The following VIT variants were observed in gnomAD, a reference collection of about 807,000 sequenced individuals.
VIT encodes vitrin.
A neutral mutation model predicts 78.0 loss-of-function variants in VIT; 99 were observed. The observed-to-expected ratio is 1.27, with a 90% CI of 1.08 to 1.50. The LOEUF (loss-of-function observed/expected upper bound fraction) is 1.50. VIT is among the 40% of genes most tolerant of loss of function. The pLI, the probability that VIT is intolerant of heterozygous loss-of-function variation, is 0.00. For synonymous variants in VIT, 374 were observed against 334.3 expected, an observed-to-expected ratio of 1.12 and a Z score of -1.29; for missense variants, 1,126 against 875.3, an observed-to-expected ratio of 1.29 and a Z score of -3.61.
chr2:36,750,142 A>G (rs1238448412), intron 4 of VIT, among the ~76,000 whole-genome samples: 1 of 152,262 alleles, frequency 6.6e-6, no homozygotes, highest in African/African-American at 2.4e-5. Flanking sequence ...AAAATCACTG[A>G]ATGCTATTTC....
intron 5 of VIT, among the ~76,000 whole-genome samples, chr2:36,757,771 A>G (rs1558544760): frequency 1.3e-5 from 2 of 152,330 alleles, no homozygotes; most frequent in African/African-American, 2.4e-5. Context: ...TTTTTCCATT[A>G]GATGTCTACA....
At chr2:36,803,457 G>A (rs922023573) in intron 13 of VIT, among the ~76,000 whole-genome samples, 3 of 152,224 alleles carry the variant, frequency 2.0e-5, no homozygotes, top group African/African-American at 4.8e-5. Flanking sequence ...CAGATATAAG[G>A]TTAGGTGGGG....
chr2:36,757,429 G>A (rs1668834526), intron 5 of VIT, among the ~76,000 whole-genome samples: 1 of 150,918 alleles, frequency 6.6e-6, no homozygotes, highest in South Asian at 2.1e-4. Context: ...TCAGGGAACT[G>A]AGCTCATGCT....
intron 1 of VIT, among the ~76,000 whole-genome samples, chr2:36,710,651 A>G (rs1197669677): frequency 6.6e-6 from 1 of 152,204 alleles, no homozygotes; most frequent in Non-Finnish European, 1.5e-5. Flanking sequence ...TGTAAAATTG[A>G]AGGGAATGTA....
chr2:36,805,210 G>A (rs562956159), intron 13 of VIT, among the ~76,000 whole-genome samples: 1 of 151,838 alleles, frequency 6.6e-6, no homozygotes, highest in South Asian at 2.1e-4. Flanking sequence ...AGGCTGAGGT[G>A]GGAGGGTTGA....
intron 14 of VIT, 112 bp from the exon 15 acceptor site, chr2:36,808,360 C>G (rs1448550461): frequency 1.4e-6 from 2 of 1,390,670 alleles, no homozygotes; most frequent in Non-Finnish European, 1.9e-6. Context: ...AGGGCTAGTG[C>G]AGAAAACAAG....
At chr2:36,785,593 C>A (rs1665040262) in intron 11 of VIT, among the ~76,000 whole-genome samples, 1 of 152,132 alleles carries the variant, frequency 6.6e-6, no homozygotes, top group Non-Finnish European at 1.5e-5. Flanking sequence ...TTGGGGACAG[C>A]AAAGGACAAG....
intron 2 of VIT, 75 bp downstream of exon 2, chr2:36,716,497 G>C: frequency 1.1e-5 from 15 of 1,382,714 alleles, no homozygotes; most frequent in Non-Finnish European, 1.5e-5. Flanking sequence ...GCCAAGAAAA[G>C]TTTTAAACCA....
At chr2:36,773,753 A>T (rs371919209) in intron 7 of VIT, 38 bp from the exon 8 acceptor site, 1,119 of 1,463,926 alleles carry the variant, frequency 7.6e-4, no homozygotes, top group Non-Finnish European at 8.7e-4. Context: ...AATTAATTAA[A>T]TAAAATTCAT....
At chr2:36,803,232 A>G (rs1035952352) in intron 13 of VIT, among the ~76,000 whole-genome samples, 1 of 152,196 alleles carries the variant, frequency 6.6e-6, no homozygotes, top group East Asian at 1.9e-4. Context: ...TACTAAAGAT[A>G]TTTGTCAGCA....
chr2:36,727,242 C>CT (rs944951671), intron 2 of VIT, among the ~76,000 whole-genome samples: 29 of 152,196 alleles, frequency 1.9e-4, no homozygotes, highest in African/African-American at 3.1e-4. Flanking sequence ...TCTTCTGAGG[C>CT]TTTTTTTATG....
intron 1 of VIT, among the ~76,000 whole-genome samples, chr2:36,705,326 C>T (rs1665346911): frequency 6.6e-6 from 1 of 152,098 alleles, no homozygotes; most frequent in African/African-American, 2.4e-5. Flanking sequence ...TGCCTGCAAA[C>T]TAGTATTTTT....
intron 7 of VIT, 152 bp downstream of exon 7, chr2:36,767,437 A>C (rs922451159): frequency 4.1e-6 from 3 of 734,576 alleles, no homozygotes; most frequent in Non-Finnish European, 2.0e-6. Context: ...CTCCTCCTAG[A>C]TTCAAGGGAG....
At chr2:36,744,864 G>C (rs544264186) in intron 4 of VIT, among the ~76,000 whole-genome samples, 1 of 152,126 alleles carries the variant, frequency 6.6e-6, no homozygotes, top group Non-Finnish European at 1.5e-5. Flanking sequence ...AATTGCTTTT[G>C]AGGACTTAGA....
At chr2:36,769,654 C>T (rs936806394) in intron 7 of VIT, among the ~76,000 whole-genome samples, 5 of 152,154 alleles carry the variant, frequency 3.3e-5, no homozygotes, top group African/African-American at 1.2e-4. Flanking sequence ...TATTTAATTG[C>T]TTATGTCTTC....
chr2:36,742,969 A>G, intron 3 of VIT, 131 bp from the exon 4 acceptor site: 1 of 1,092,974 alleles, frequency 9.1e-7, no homozygotes, highest in Non-Finnish European at 1.3e-6. Flanking sequence ...CTTTCATTAT[A>G]GGGAGGGGAT....
At chr2:36,770,629 G>C (rs1306517538) in intron 7 of VIT, among the ~76,000 whole-genome samples, 1 of 152,144 alleles carries the variant, frequency 6.6e-6, no homozygotes, top group Admixed American at 6.5e-5. Context: ...GAAAGGCCAA[G>C]GACAATGGCA....
Position 36,729,441 on chromosome 2 carries a change from G to C in VIT, c.68G>C (p.Gly23Ala). ...IEMFLVLLVT[G>A]VHSNKETAKK... ...CTTCATGTAGTTTTGCTGGTGACTG[G>C]AGTACATTCAAACAAAGAAACGGCA... is the stretch of plus-strand genomic sequence containing the variant. The change falls in exon 3 of 16, where the codon GGA becomes GCA. Residue 23 changes from glycine (G) to alanine (A), a missense_variant. By Grantham distance (60) the Gly-to-Ala change is moderately conservative. Transcript: ENST00000379242. The C allele has an allele frequency of 6.2e-7, 1 of 1,606,770 alleles. No individual in the cohort carries two copies. The highest frequency in any genetic ancestry group is 8.5e-7 in the Non-Finnish European group (1 of 1,177,196).
intron 12 of VIT, among the ~76,000 whole-genome samples, chr2:36,789,281 T>C (rs749044973): frequency 6.6e-6 from 1 of 152,156 alleles, no homozygotes; most frequent in Non-Finnish European, 1.5e-5. Flanking sequence ...GCCATCTGCA[T>C]AGCAAGAGGG....
Sources: allele counts gnomAD v4.1 joint callset (sites outside exome capture counted in the v4.1 genomes callset), GRCh38; gene constraint gnomAD v4.1.1; transcripts MANE v1.5; gene names NCBI Gene and HGNC (gene_info 2026-07-23, HGNC 2026-07-21).